The following MAST4 variants were observed in gnomAD, a reference collection of about 807,000 sequenced individuals.
MAST4 encodes the protein microtubule associated serine/threonine kinase family member 4, also known as microtubule-associated serine/threonine-protein kinase 4.
A neutral mutation model predicts 162.7 loss-of-function variants in MAST4; 89 were observed. The observed-to-expected ratio is 0.55, with a 90% CI of 0.46 to 0.65. The LOEUF is 0.65. Ranked by LOEUF, MAST4 falls within the 30% of genes least tolerant of loss-of-function variation. The probability of loss-of-function intolerance (pLI) is 0.00; values close to 1 mark genes in which losing one functional copy is unlikely to be tolerated. For missense variants in MAST4, 3,153 were observed against 3,374.0 expected (o/e 0.93, Z 1.62); for synonymous variants, 1,479 against 1,361.1 (o/e 1.09, Z -1.91).
intron 4 of MAST4, among the ~76,000 whole-genome samples, chr5:66,993,331 C>A (rs1049659578): frequency 6.6e-6 from 1 of 152,158 alleles, no homozygotes; most frequent in Non-Finnish European, 1.5e-5. Context: ...TGTGTGCAAC[C>A]ATTCATTCCG....
At position 67,145,190 on chromosome 5, in the gene MAST4, CAT is replaced by C; in HGVS notation, c.2907_2908del (p.His969GlnfsTer20). The part of the protein sequence containing the change: ...SNSSDTESNR[H>X]KLSSGLLPKL... ...CTCTTCAGATACTGAAAGCAACAGA[CAT>C]AAACTCAGTTCTGGCCTACTTCCCA... On this transcript the variant is annotated frameshift_variant, in exon 23 of 29. Transcript: ENST00000403625. LOFTEE classifies it high-confidence loss of function. The C allele has an allele frequency of 6.2e-7, 1 of 1,613,202 alleles. No homozygotes were observed. The highest frequency in any genetic ancestry group is 1.3e-5 in the African/African-American group (1 of 75,056).
intron 1 of MAST4, among the ~76,000 whole-genome samples, chr5:66,729,778 A>C (rs1751730929): frequency 6.6e-6 from 1 of 152,252 alleles, no homozygotes; most frequent in African/African-American, 2.4e-5. Flanking sequence ...TAATGGGCTT[A>C]GAGAAATATT....
At chr5:66,628,974 T>G (rs1744624068) in intron 1 of MAST4, among the ~76,000 whole-genome samples, 1 of 152,190 alleles carries the variant, frequency 6.6e-6, no homozygotes. Context: ...TGAGAGATCA[T>G]GCTAAAAGCA....
In MAST4 at chr5:67,145,223, G is replaced by A; in HGVS notation, c.2938G>A (p.Ala980Thr). 6.2e-7 allele frequency: 1 copy of A among 1,613,660 alleles called. No homozygotes were observed. Among genetic ancestry groups the A allele is most frequent in the Non-Finnish European group, 8.5e-7 (1 of 1,179,760 alleles). Residue 980 changes from alanine (A) to threonine (T), a missense_variant, in exon 23 of 29, where the codon GCT (alanine) becomes ACT (threonine). Around this residue, in one of 7 missense-constraint regions of MAST4, gnomAD observed 619 missense variants for 744.2 expected, o/e 0.83. Coordinates refer to ENST00000403625, the MANE Select transcript of MAST4 (RefSeq NM_001164664.2). ...KLSSGLLPKLAISTEGEQDEA... is the reference protein window; with the variant it reads ...KLSSGLLPKLTISTEGEQDEA... ...CAGTTCTGGCCTACTTCCCAAACTG[G>A]CTATTTCAACAGAGGGAGAGCAAGA... is the stretch of plus-strand genomic sequence containing the variant.
chr5:66,860,402 T>C (rs1269373755), intron 3 of MAST4, among the ~76,000 whole-genome samples: 1 of 152,192 alleles, frequency 6.6e-6, no homozygotes, highest in African/African-American at 2.4e-5. Flanking sequence ...AATGCTATCC[T>C]GGCATTTTAT....
intron 3 of MAST4, among the ~76,000 whole-genome samples, chr5:66,796,080 CTCATTA>C (rs1262355217): frequency 2.0e-5 from 3 of 152,188 alleles, no homozygotes; most frequent in African/African-American, 7.2e-5. Context: ...GAAGATAAAT[CTCATTA>C]TAGGCTCACC....
In MAST4 at chr5:66,613,322, C is replaced by CTT. The variant is rs67203546; in HGVS notation, c.363+16317_363+16318dup. On this transcript the variant is annotated intron_variant, in intron 1 of 28. Coordinates refer to ENST00000403625, the MANE Select transcript of MAST4 (RefSeq NM_001164664.2). The stretch of plus-strand genomic sequence containing the variant: ...TTTGATAAGAATTTATCAGATAACC[C>CTT]TTTTTTTTTTTTTTGTAATATCTCT... 8.4e-3 allele frequency among the ~76,000 whole-genome samples: 1,190 copies of CTT among 141,812 alleles called. 15 individuals carry two copies. The highest frequency in any genetic ancestry group is 0.025 in the African/African-American group (942 of 38,400). 93.0% of individuals were successfully genotyped at this position (141,812 alleles called of 152,430 possible).
intron 14 of MAST4, among the ~76,000 whole-genome samples, chr5:67,129,309 A>G (rs549118453): frequency 2.6e-5 from 4 of 152,194 alleles, no homozygotes; most frequent in Non-Finnish European, 4.4e-5. Flanking sequence ...TGTGTTAAAC[A>G]CATACTTCTC....
chr5:66,972,484 T>G (rs1332562705), intron 4 of MAST4, among the ~76,000 whole-genome samples: 1 of 152,220 alleles, frequency 6.6e-6, no homozygotes, highest in African/African-American at 2.4e-5. Flanking sequence ...AATCAAGCTC[T>G]GAGTCAAAAG....
chr5:66,676,734 T>G (rs1191270123), intron 1 of MAST4, among the ~76,000 whole-genome samples: 1 of 152,212 alleles, frequency 6.6e-6, no homozygotes, highest in Non-Finnish European at 1.5e-5. Context: ...AGTTTTCACG[T>G]TAAAGGCATT....
rs1580828235 is a variant in MAST4 at position 66,905,645 on chromosome 5, G to C, written c.674+5663G>C. Among the ~76,000 whole-genome samples the C allele has an allele frequency of 3.3e-5, 5 of 152,180 alleles. No individual in the cohort carries two copies. In the South Asian group the frequency reaches 1.0e-3, roughly 32 times the overall value. ...GTCCTCAGAACATGTGCCCAAGGTG[G>C]TCAGGTTACACTTGGCATCATGCAT... On this transcript the variant is annotated intron_variant, in intron 4 of 28. Coordinates refer to ENST00000403625, the MANE Select transcript of MAST4 (RefSeq NM_001164664.2).
chr5:66,937,383 C>T (rs1047906247), intron 4 of MAST4, among the ~76,000 whole-genome samples: 2 of 152,152 alleles, frequency 1.3e-5, no homozygotes, highest in African/African-American at 4.8e-5. Context: ...TCCAAGACCT[C>T]AAAGTATATG....
chr5:66,837,050 G>GTA lies in MAST4; in HGVS notation c.642+48257_642+48258insAT, dbSNP rs1554057334. On this transcript the variant is annotated intron_variant, in intron 3 of 28. Transcript: ENST00000403625. Reference sequence around the variant, plus strand: ...TGTGTGTGTGTGTGTGTGTGTGTGTGTGTATGTATACTGTAGCCTAGTGGG... The same window carrying GTA: ...TGTGTGTGTGTGTGTGTGTGTGTGTGTATGTATGTATACTGTAGCCTAGTGGG... Among the ~76,000 whole-genome samples, 167 of 152,064 alleles carry GTA rather than the reference G, an allele frequency of 1.1e-3. 2 individuals are homozygous for GTA. The highest frequency in any genetic ancestry group is 8.3e-3 in the Admixed American group (127 of 15,270).
intron 5 of MAST4, among the ~76,000 whole-genome samples, chr5:67,082,375 C>T (rs1162604157): frequency 6.6e-6 from 1 of 152,096 alleles, no homozygotes; most frequent in Admixed American, 6.6e-5. Flanking sequence ...CCTCGTGATC[C>T]ACCCACTTTG....
At chr5:67,084,605 CTG>C (rs1175019368) in intron 5 of MAST4, among the ~76,000 whole-genome samples, 3 of 152,128 alleles carry the variant, frequency 2.0e-5, no homozygotes, top group Non-Finnish European at 2.9e-5. Context: ...AGATATATAA[CTG>C]GAGTTTATCC....
At chr5:66,825,261 GACACACACACACACACACACACACAC>G (rs56076405) in intron 3 of MAST4, among the ~76,000 whole-genome samples, 13 of 135,648 alleles carry the variant, frequency 9.6e-5, no homozygotes, top group East Asian at 2.1e-4. Context: ...TAAAAACTAA[GACACACACACACACACACACACACAC>G]ACACACACAC....
chr5:66,909,372 G>T (rs1017889242), intron 4 of MAST4, among the ~76,000 whole-genome samples: 1 of 152,142 alleles, frequency 6.6e-6, no homozygotes, highest in Non-Finnish European at 1.5e-5. Flanking sequence ...TTCTCAGCAG[G>T]GTAATCAGGA....
At chr5:67,072,636 A>G (rs892343041) in intron 5 of MAST4, among the ~76,000 whole-genome samples, 1 of 152,242 alleles carries the variant, frequency 6.6e-6, no homozygotes, top group African/African-American at 2.4e-5. Flanking sequence ...AATTCAGTGA[A>G]TAAGTTCTAA....
chr5:66,764,352 T>A (rs1375292137), intron 2 of MAST4, among the ~76,000 whole-genome samples: 2 of 152,192 alleles, frequency 1.3e-5, no homozygotes, highest in Admixed American at 6.5e-5. Context: ...TCTGCTGGTG[T>A]CATATCTGCT....
Sources: allele counts gnomAD v4.1 joint callset (sites outside exome capture counted in the v4.1 genomes callset), GRCh38; gene constraint gnomAD v4.1.1; regional missense constraint gnomAD v4.1.1; transcripts MANE v1.5; gene names NCBI Gene and HGNC (gene_info 2026-07-23, HGNC 2026-07-21).